Variants in HAGH observed in about 807,000 individuals in gnomAD.
HAGH encodes the protein hydroxyacylglutathione hydrolase, also known as hydroxyacylglutathione hydrolase, mitochondrial.
A neutral mutation model predicts 35.1 loss-of-function variants in HAGH; 29 were observed. The ratio of observed to expected loss-of-function variants is 0.83; its 90% CI spans 0.62 to 1.13. The LOEUF is 1.13. Among genes scored for constraint, HAGH ranks in the 50% most tolerant of loss-of-function variants. The pLI, the probability that HAGH is intolerant of heterozygous loss-of-function variation, is 0.00. For synonymous variants in HAGH, 225 were observed against 176.1 expected, an observed-to-expected ratio of 1.28 and a Z score of -2.20; for missense variants, 478 against 419.6, an observed-to-expected ratio of 1.14 and a Z score of -1.22.
chr16:1,816,043 C>T (rs570549199), intron 7 of HAGH, among the ~76,000 whole-genome samples: 140 of 138,698 alleles, frequency 1.0e-3, no homozygotes, highest in African/African-American at 3.6e-3. Context: ...TGGGTTCAAG[C>T]GATTCTCCTG....
rs1221178002 is a variant in HAGH, at chr16:1,816,917, G to T, written c.723C>A (p.Ile241=). ...CCTTGGCCCAGGCCAGCTTCTCCCG[G>T]ATGGCGGCATTGCCGGGCTCCACGT... The part of the protein sequence containing the change: ...ARHVEPGNAA[I]REKLAWAKEK... The change falls in exon 7 of 9, where the codon ATC becomes ATA. Residue 241 remains isoleucine, a synonymous_variant. Coordinates refer to ENST00000397356, the MANE Select transcript of HAGH (RefSeq NM_005326.6). 6.2e-7 allele frequency: 1 copy of T among 1,613,188 alleles called. No individual in the cohort carries two copies. The highest frequency in any genetic ancestry group is 8.5e-7 in the Non-Finnish European group (1 of 1,179,362).
intron 7 of HAGH, chr16:1,810,175 A>G: frequency 3.7e-6 from 1 of 271,914 alleles, no homozygotes; most frequent in Non-Finnish European, 7.3e-6. Flanking sequence ...ATGCTTCAGA[A>G]CACCTCCTGG....
At chr16:1,826,864 C>T (rs904179910), upstream of HAGH, 15 of 927,272 alleles carry the variant, frequency 1.6e-5, no homozygotes, top group Non-Finnish European at 2.1e-5. Flanking sequence ...CCAATCAGCG[C>T]CCGCCTCGCG....
At chr16:1,811,526 A>G (rs1021319660) in intron 7 of HAGH, among the ~76,000 whole-genome samples, 1 of 152,022 alleles carries the variant, frequency 6.6e-6, no homozygotes, top group African/African-American at 2.4e-5. Flanking sequence ...CGGCCTGGCC[A>G]ACATGGTGAA....
At chr16:1,815,267 A>C (rs1383256066) in intron 7 of HAGH, among the ~76,000 whole-genome samples, 4 of 152,222 alleles carry the variant, frequency 2.6e-5, no homozygotes, top group African/African-American at 7.2e-5. Context: ...AGAACAGTAC[A>C]ACCATTTTTG....
chr16:1,818,225 C>T (rs1168217399), intron 5 of HAGH, among the ~76,000 whole-genome samples: 2 of 152,124 alleles, frequency 1.3e-5, no homozygotes, highest in East Asian at 1.9e-4. Context: ...ACTCCGTGCT[C>T]GCTGCCCTGA....
chr16:1,809,273 C>G lies in HAGH; in HGVS notation c.*10G>C. ...CTAATCCCCAAATCCGCTGAAGGTG[C>G]AGGGCGGCCTCAGTCCCGGGGCATC... is the stretch of plus-strand genomic sequence containing the variant. On this transcript the variant is annotated 3_prime_UTR_variant, in exon 9 of 9. Coordinates refer to ENST00000397356, the MANE Select transcript of HAGH (RefSeq NM_005326.6). The G allele has an allele frequency of 6.3e-7, 1 of 1,578,660 alleles. No individual in the cohort carries two copies. The highest frequency in any genetic ancestry group is 8.7e-7 in the Non-Finnish European group (1 of 1,152,410).
chr16:1,822,719 G>A lies in HAGH; in HGVS notation c.249+146C>T. The A allele has an allele frequency of 5.8e-6, 4 of 691,152 alleles. No individual in the cohort carries two copies. In the South Asian group the frequency reaches 6.8e-5, roughly 12 times the overall value. 42.8% of individuals were successfully genotyped at this position (691,152 alleles called of 1,614,324 possible). ...ACTGCCTCTCGCCTCCACCCTTCTT[G>A]GAGCCCTGTTAACAGAGTGGCCGGA... On this transcript the variant is annotated intron_variant, in intron 2 of 8. Transcript: ENST00000397356.
At chr16:1,819,876 C>T (rs767009853) in intron 4 of HAGH, 21 bp downstream of exon 4, 3 of 1,474,606 alleles carry the variant, frequency 2.0e-6, no homozygotes, top group Non-Finnish European at 2.8e-6. Context: ...CGCTGGAGCA[C>T]CTCCAGGGCT....
At chr16:1,820,379 G>A (rs1232230396) in intron 3 of HAGH, among the ~76,000 whole-genome samples, 3 of 152,094 alleles carry the variant, frequency 2.0e-5, no homozygotes, top group Non-Finnish European at 4.4e-5. Context: ...TCCTGGTGCA[G>A]TGGGTCCAGG....
intron 3 of HAGH, among the ~76,000 whole-genome samples, chr16:1,820,919 G>GT (rs1269285774): frequency 6.6e-6 from 1 of 152,180 alleles, no homozygotes; most frequent in Non-Finnish European, 1.5e-5. Flanking sequence ...AGGACTTCAC[G>GT]TGTCGGCATG....
intron 7 of HAGH, among the ~76,000 whole-genome samples, chr16:1,812,932 C>T (rs974876331): frequency 9.2e-5 from 14 of 152,282 alleles, no homozygotes; most frequent in South Asian, 6.2e-4. Flanking sequence ...GGTGTGCCCA[C>T]GCCTTCCCAG....
intron 1 of HAGH, 65 bp downstream of exon 1, chr16:1,826,647 G>GCGCCGCC (rs1033978516): frequency 1.0e-6 from 1 of 965,970 alleles, no homozygotes; most frequent in African/African-American, 1.8e-5. Flanking sequence ...CGACGGCCCG[G>GCGCCGCC]CGCCGCCCGC....
In HAGH at chr16:1,822,925, G is replaced by T. The variant is rs527817609; in HGVS notation, c.189C>A (p.Tyr63Ter). ...CCTTGGTCTCATCATCAATGACCAGGTACATGTAGTTGTCGGTCAGGGCAG... is the reference window on the plus strand; with the variant it reads ...CCTTGGTCTCATCATCAATGACCAGTTACATGTAGTTGTCGGTCAGGGCAG... The part of the protein sequence containing the change: ...VLPALTDNYM[Y>*]LVIDDETKEA... The change falls in exon 2 of 9, where the codon TAC (tyrosine) becomes TAA (stop). Residue 63 changes from tyrosine to a stop codon, truncating the protein, a stop_gained. Transcript: ENST00000397356. LOFTEE classifies it high-confidence loss of function. 6.2e-7 allele frequency: 1 copy of T among 1,613,792 alleles called. No individual in the cohort carries two copies. The highest frequency in any genetic ancestry group is 1.1e-5 in the South Asian group (1 of 91,080).
In HAGH at chr16:1,819,965, T is replaced by A. The variant is rs1898076029; in HGVS notation, c.364A>T (p.Lys122Ter). Reference protein sequence around the residue: ...EKLVKLESGLKVYGGDDRIGA... With the variant: ...EKLVKLESGL ...ATACGGTCGTCACCCCCGTACACCT[T>A]CAGTCCCGACTCCAGCTTGACCAGT... Residue 122 changes from lysine (K) to a stop codon, truncating the protein, a stop_gained, in exon 4 of 9, where the codon AAG becomes TAG. Transcript: ENST00000397356. LOFTEE classifies it high-confidence loss of function. 1 of 1,613,526 alleles carries A rather than the reference T, an allele frequency of 6.2e-7. No individual in the cohort carries two copies. Among genetic ancestry groups the A allele is most frequent in the African/African-American group, 1.3e-5 (1 of 74,882 alleles).
Position 1,822,276 on chromosome 16 carries a change from C to A in HAGH, c.314+24G>T, listed in dbSNP as rs142111277. On this transcript the variant is annotated intron_variant, in intron 3 of 8. Transcript: ENST00000397356. ...GCGAGAAGTGAGCCAGGTCCCACAC[C>A]CCCAGGTGAGACGCGGCACTTACCA... 2.8e-4 allele frequency: 436 copies of A among 1,545,174 alleles called. 2 individuals are homozygous for A. The highest frequency in any genetic ancestry group is 3.5e-4 in the Non-Finnish European group (396 of 1,118,118).
intron 1 of HAGH, 82 bp downstream of exon 1, chr16:1,826,630 C>G (rs970653530): frequency 1.0e-6 from 1 of 970,578 alleles, no homozygotes; most frequent in Non-Finnish European, 1.2e-6. Context: ...CGTCAGCGGT[C>G]GCCAAACGAC....
At position 1,817,144 on chromosome 16, in the gene HAGH, G is replaced by C. The variant is rs373212637; in HGVS notation, c.645+24C>G. Reference sequence around the variant, plus strand: ...CCCTGGTTAAGGCCCCCCACACCCCGGCCCGCAGGGAGGCGCTGCCTACTG... The same window carrying C: ...CCCTGGTTAAGGCCCCCCACACCCCCGCCCGCAGGGAGGCGCTGCCTACTG... On this transcript the variant is annotated intron_variant, in intron 6 of 8. Coordinates refer to ENST00000397356, the MANE Select transcript of HAGH (RefSeq NM_005326.6). 8 of 1,522,406 alleles carry C rather than the reference G, an allele frequency of 5.3e-6. No homozygotes were observed. The South Asian group carries it at 7.8e-5, about 15-fold the overall frequency. The allele number at this position is 1,522,406 out of a possible 1,614,324, so 94.3% of individuals were successfully genotyped here. A position where few individuals can be genotyped will look rare whatever the true frequency, so the allele number is the denominator to read the frequency against.
intron 7 of HAGH, among the ~76,000 whole-genome samples, chr16:1,814,238 C>G (rs938145479): frequency 1.3e-5 from 2 of 151,912 alleles, no homozygotes; most frequent in African/African-American, 4.8e-5. Context: ...ACTTTTGGAG[C>G]CCAAGGTGGG....
Sources: gnomAD v4.1 joint callset for allele counts (sites outside exome capture counted in the v4.1 genomes callset) on GRCh38, gnomAD v4.1.1 for gene constraint, MANE v1.5 for transcripts, NCBI Gene and HGNC (gene_info 2026-07-23, HGNC 2026-07-21) for gene names.